GRIP1: variants seen among roughly 807,000 people sequenced by gnomAD.
GRIP1 encodes glutamate receptor-interacting protein 1.
In GRIP1, 45 loss-of-function variants were observed where a neutral mutation model predicts 129.9. That is an observed-to-expected ratio of 0.35 (90% CI 0.27 to 0.44). The LOEUF is 0.44. Ranked by LOEUF, GRIP1 falls within the 20% of genes least tolerant of loss-of-function variation. The pLI is 1.00. For missense variants in GRIP1, 1,196 were observed against 1,396.8 expected (o/e 0.86, Z 2.29); for synonymous variants, 530 against 520.8 (o/e 1.02, Z -0.24).
chr12:66,863,020 T>G (rs1860465601), intron 1 of GRIP1, among the ~76,000 whole-genome samples: 1 of 151,712 alleles, frequency 6.6e-6, no homozygotes, highest in Non-Finnish European at 1.5e-5. Flanking sequence ...TAACGTAGCA[T>G]CTGATTAGGT....
intron 2 of GRIP1, among the ~76,000 whole-genome samples, chr12:66,579,756 G>A (rs1592589006): frequency 6.6e-6 from 1 of 151,934 alleles, no homozygotes. Context: ...ATGGGACTAT[G>A]TGAAAAGACC....
intron 7 of GRIP1, among the ~76,000 whole-genome samples, chr12:66,500,412 A>G (rs1176722545): frequency 1.3e-5 from 2 of 152,228 alleles, no homozygotes; most frequent in East Asian, 3.8e-4. Context: ...CAAAAAACAA[A>G]TCTAGCAGAG....
chr12:66,875,870 G>T (rs985973104), intron 1 of GRIP1, among the ~76,000 whole-genome samples: 1 of 152,028 alleles, frequency 6.6e-6, no homozygotes, highest in Non-Finnish European at 1.5e-5. Flanking sequence ...TGCTACTAAA[G>T]AAATCATTAA....
At chr12:66,794,622 G>C (rs979991598) in intron 1 of GRIP1, among the ~76,000 whole-genome samples, 1 of 152,130 alleles carries the variant, frequency 6.6e-6, no homozygotes, top group Admixed American at 6.6e-5. Flanking sequence ...GTGTAATCTT[G>C]AGTTAGACAT....
intron 1 of GRIP1, among the ~76,000 whole-genome samples, chr12:66,923,914 A>G (rs1316975563): frequency 1.3e-5 from 2 of 151,834 alleles, no homozygotes; most frequent in Non-Finnish European, 2.9e-5. Context: ...GCGCCATCTC[A>G]GCTCACTGCA....
chr12:66,529,982 G>T, intron 4 of GRIP1, 68 bp from the exon 5 acceptor site: 1 of 985,558 alleles, frequency 1.0e-6, no homozygotes, highest in Non-Finnish European at 1.6e-6. Context: ...ATCATTCAAT[G>T]TGGCATAAAA....
chr12:66,426,645 A>G (rs542089889), intron 14 of GRIP1, among the ~76,000 whole-genome samples: 1 of 152,144 alleles, frequency 6.6e-6, no homozygotes, highest in East Asian at 1.9e-4. Flanking sequence ...TTTTTCTCTT[A>G]GCTGTCTGTT....
chr12:66,882,866 A>G (rs1195292932), intron 1 of GRIP1, among the ~76,000 whole-genome samples: 1 of 152,186 alleles, frequency 6.6e-6, no homozygotes, highest in Non-Finnish European at 1.5e-5. Flanking sequence ...CAAGGCAGCC[A>G]AGGCTGCTTT....
At chr12:67,012,294 CA>C (rs374012506) in intron 1 of GRIP1, among the ~76,000 whole-genome samples, 15 of 152,254 alleles carry the variant, frequency 9.9e-5, no homozygotes, top group Middle Eastern at 3.4e-3. Context: ...TCGTAAACCA[CA>C]AATAAAATGT....
At chr12:66,701,138 C>A (rs1427139908) in intron 1 of GRIP1, among the ~76,000 whole-genome samples, 2 of 152,140 alleles carry the variant, frequency 1.3e-5, no homozygotes, top group African/African-American at 4.8e-5. Flanking sequence ...CACAAACCCT[C>A]CCTTTTCTAC....
chr12:66,876,259 T>C (rs973756576), intron 1 of GRIP1, among the ~76,000 whole-genome samples: 1 of 152,052 alleles, frequency 6.6e-6, no homozygotes, highest in African/African-American at 2.4e-5. Context: ...AATTCTTTAC[T>C]GTCATTCATG....
At chr12:66,909,209 A>G (rs114704585) in intron 1 of GRIP1, among the ~76,000 whole-genome samples, 2,074 of 152,230 alleles carry the variant, frequency 0.014, 53 homozygotes, top group African/African-American at 0.047. Context: ...ATGATGCATT[A>G]GTTCCTAGTG....
chr12:66,475,416 T>A (rs577620255), intron 7 of GRIP1, among the ~76,000 whole-genome samples: 5 of 152,254 alleles, frequency 3.3e-5, no homozygotes, highest in African/African-American at 1.2e-4. Context: ...ATTAGACAGA[T>A]CAATGAGACA....
chr12:66,627,857 C>A (rs10878473), intron 1 of GRIP1, among the ~76,000 whole-genome samples: 43,195 of 151,840 alleles, frequency 0.28, 6,516 homozygotes, highest in African/African-American at 0.37. Flanking sequence ...TAAGGGCTCC[C>A]TGGGGAGAAG....
At chr12:66,522,072 G>A (rs149117549) in intron 5 of GRIP1, among the ~76,000 whole-genome samples, 3,469 of 152,316 alleles carry the variant, frequency 0.023, 122 homozygotes, top group African/African-American at 0.08. Context: ...CCACCTCTCG[G>A]GGCAGGGCAC....
intron 1 of GRIP1, among the ~76,000 whole-genome samples, chr12:66,611,250 TAGG>T (rs1180582970): frequency 1.3e-5 from 2 of 152,158 alleles, no homozygotes; most frequent in African/African-American, 4.8e-5. Flanking sequence ...ATCTTCCCTC[TAGG>T]AGATGATTTC....
At chr12:66,712,501 T>C (rs2035742600) in intron 1 of GRIP1, among the ~76,000 whole-genome samples, 1 of 151,998 alleles carries the variant, frequency 6.6e-6, no homozygotes. Context: ...TGCATCTTTG[T>C]ATAGATTTTA....
At chr12:67,036,910 T>C (rs2135796342) in intron 1 of GRIP1, among the ~76,000 whole-genome samples, 1 of 152,240 alleles carries the variant, frequency 6.6e-6, no homozygotes, top group South Asian at 2.1e-4. Context: ...GATATAAACA[T>C]ACCGAGAAAC....
At chr12:67,061,910 T>G (rs981455802) in intron 1 of GRIP1, among the ~76,000 whole-genome samples, 3 of 152,100 alleles carry the variant, frequency 2.0e-5, no homozygotes, top group Non-Finnish European at 4.4e-5. Context: ...CACCAGGCTC[T>G]GTATCAAGAT....
Sources: gnomAD v4.1 joint callset for allele counts (sites outside exome capture counted in the v4.1 genomes callset) on GRCh38, gnomAD v4.1.1 for gene constraint, MANE v1.5 for transcripts, NCBI Gene and HGNC (gene_info 2026-07-23, HGNC 2026-07-21) for gene names.